RUFY1: variants seen among roughly 807,000 people sequenced by gnomAD.
The protein encoded by RUFY1 is RUN and FYVE domain containing 1.
Under a neutral mutation model 94.6 loss-of-function variants are expected in RUFY1, and 54 were observed. The ratio of observed to expected loss-of-function variants is 0.57; its 90% CI spans 0.46 to 0.72. The LOEUF is 0.72. Among genes scored for constraint, RUFY1 ranks in the 30% least tolerant of loss-of-function variants. The pLI, the probability that RUFY1 is intolerant of heterozygous loss-of-function variation, is 0.00. For missense variants in RUFY1, 883 were observed against 883.9 expected (o/e 1.00, Z 0.01); for synonymous variants, 396 against 347.3 (o/e 1.14, Z -1.56).
intron 14 of RUFY1, among the ~76,000 whole-genome samples, chr5:179,599,071 G>T (rs191513962): frequency 6.6e-6 from 1 of 152,238 alleles, no homozygotes; most frequent in African/African-American, 2.4e-5. Context: ...GTCCTCACCC[G>T]TGTGCAAGGG....
Position 179,585,776 on chromosome 5 carries a change from A to G in RUFY1, c.957-20A>G. On this transcript the variant is annotated intron_variant, in intron 7 of 17. Coordinates refer to ENST00000319449, the MANE Select transcript of RUFY1 (RefSeq NM_025158.5). ...AGCTTGTATAAGTTTATGTTTACTTAATATTCTTATTTTCTACAGCTGCAC... is the reference window on the plus strand; with the variant it reads ...AGCTTGTATAAGTTTATGTTTACTTGATATTCTTATTTTCTACAGCTGCAC... The G allele has an allele frequency of 6.4e-7, 1 of 1,568,920 alleles. No homozygotes were observed. Among genetic ancestry groups the G allele is most frequent in the Non-Finnish European group, 8.8e-7 (1 of 1,139,498 alleles).
At chr5:179,596,948 C>G (rs1281337555) in intron 13 of RUFY1, 1 of 413,606 alleles carries the variant, frequency 2.4e-6, no homozygotes, top group Non-Finnish European at 4.3e-6. Context: ...CTGTATCACC[C>G]TTAACCACCC....
chr5:179,562,426 G>A, intron 2 of RUFY1, 121 bp from the exon 3 acceptor site: 1 of 692,114 alleles, frequency 1.4e-6, no homozygotes, highest in East Asian at 2.5e-5. Flanking sequence ...TTTAAAAAAG[G>A]ATTAAGCAGT....
rs1253207895 is a variant in RUFY1 at position 179,601,893 on chromosome 5, A to G, written c.1763A>G (p.Glu588Gly). 3 of 1,595,066 alleles carry G rather than the reference A, an allele frequency of 1.9e-6. No homozygotes were observed. Among genetic ancestry groups the G allele is most frequent in the Non-Finnish European group, 2.6e-6 (3 of 1,168,502 alleles). Reference protein sequence around the residue: ...ELQQVEGLKKELRELQDEKAE... With the variant: ...ELQQVEGLKKGLRELQDEKAE... ...ATCTGGTTGGTTTGTTCATTTTAGG[A>G]GTTGCGGGAGCTTCAGGACGAGAAG... Residue 588 changes from glutamate (E) to glycine (G), a missense_variant and splice_region_variant, in exon 15 of 18, where the codon GAG becomes GGG. Transcript: ENST00000319449.
At chr5:179,556,255 A>C (rs1430644681) in intron 1 of RUFY1, among the ~76,000 whole-genome samples, 1 of 152,014 alleles carries the variant, frequency 6.6e-6, no homozygotes, top group Non-Finnish European at 1.5e-5. Flanking sequence ...TTTCCATTCC[A>C]CTTCTGCCAT....
At chr5:179,607,469 G>A (rs935282762) in intron 16 of RUFY1, 113 bp from the exon 17 acceptor site, 54 of 824,066 alleles carry the variant, frequency 6.6e-5, no homozygotes, top group Non-Finnish European at 1.0e-4. Flanking sequence ...GAGAAACAGT[G>A]CCTCACTAGG....
intron 14 of RUFY1, among the ~76,000 whole-genome samples, chr5:179,601,036 C>T (rs532176060): frequency 1.3e-5 from 2 of 152,170 alleles, no homozygotes; most frequent in South Asian, 4.1e-4. Flanking sequence ...ATGTAACTAT[C>T]CTGTCCCATG....
chr5:179,566,011 G>GT (rs1762805901), intron 3 of RUFY1, among the ~76,000 whole-genome samples: 1 of 151,864 alleles, frequency 6.6e-6, no homozygotes, highest in South Asian at 2.1e-4. Flanking sequence ...GTGGTAGCAC[G>GT]TGCCTGCTGT....
rs530441695 is a variant in RUFY1, at chr5:179,607,424, C to T, written c.1906-158C>T. ...GGCTGCGGCCAGACGGGGAAAGAGCCCCTTGATGACAGTCCTGTGAGGCCC... is the reference window on the plus strand; with the variant it reads ...GGCTGCGGCCAGACGGGGAAAGAGCTCCTTGATGACAGTCCTGTGAGGCCC... On this transcript the variant is annotated intron_variant, in intron 16 of 17. Transcript: ENST00000319449. The T allele has an allele frequency of 1.2e-4, 79 of 659,302 alleles. No homozygotes were observed. The East Asian group carries it at 2.0e-3, about 17-fold the overall frequency. The allele number at this position is 659,302 out of a possible 1,614,324, so 40.8% of individuals were successfully genotyped here.
chr5:179,551,805 G>A (rs948480227), intron 1 of RUFY1, among the ~76,000 whole-genome samples: 3 of 148,366 alleles, frequency 2.0e-5, no homozygotes, highest in African/African-American at 7.4e-5. Flanking sequence ...GAGCCACCGC[G>A]CCCGGCCGGA....
intron 7 of RUFY1, among the ~76,000 whole-genome samples, chr5:179,581,438 ATTTTTT>A (rs763576066): frequency 8.6e-6 from 1 of 116,932 alleles, no homozygotes. Context: ...CTTTATCTTG[ATTTTTT>A]TTTTTTTTTT....
intron 17 of RUFY1, chr5:179,608,694 G>C (rs1767368290): frequency 1.1e-6 from 1 of 914,342 alleles, no homozygotes; most frequent in South Asian, 5.1e-5. Flanking sequence ...TTGGGAGGCT[G>C]AGGTGGGTGG....
intron 5 of RUFY1, among the ~76,000 whole-genome samples, chr5:179,575,346 C>A (rs986794587): frequency 1.3e-5 from 2 of 151,744 alleles, no homozygotes; most frequent in East Asian, 3.9e-4. Context: ...GCTCTCTCCT[C>A]GTCTGTCTGC....
chr5:179,581,138 T>G, intron 7 of RUFY1, 126 bp downstream of exon 7: 1 of 626,916 alleles, frequency 1.6e-6, no homozygotes, highest in South Asian at 2.0e-5. Flanking sequence ...AGGGTCATCA[T>G]TCAGGCAACA....
At chr5:179,585,630 TGTTGC>T (rs1764546348) in intron 7 of RUFY1, among the ~76,000 whole-genome samples, 161 bp from the exon 8 acceptor site, 3 of 152,156 alleles carry the variant, frequency 2.0e-5, no homozygotes, top group Admixed American at 2.0e-4. Flanking sequence ...TTGAAAAGTA[TGTTGC>T]AAATGTATAT....
chr5:179,556,413 AATTATC>A (rs1457353769), intron 1 of RUFY1, among the ~76,000 whole-genome samples: 1 of 152,118 alleles, frequency 6.6e-6, no homozygotes, highest in Admixed American at 6.6e-5. Flanking sequence ...TTCTGGAGTG[AATTATC>A]ATTAAGTTTA....
intron 10 of RUFY1, among the ~76,000 whole-genome samples, chr5:179,592,072 G>A (rs1265359290): frequency 6.6e-6 from 1 of 151,738 alleles, no homozygotes; most frequent in African/African-American, 2.4e-5. Flanking sequence ...AGCCTCCCGA[G>A]TAGCTGGGAT....
chr5:179,607,450 C>T, intron 16 of RUFY1, 132 bp from the exon 17 acceptor site: 2 of 748,938 alleles, frequency 2.7e-6, no homozygotes, highest in Non-Finnish European at 2.4e-6. Context: ...TGTGAGGCCC[C>T]ATCTGATGGA....
rs1460965337 is a variant in RUFY1, at chr5:179,596,773, G to A, written c.1631+92G>A. The A allele has an allele frequency of 3.0e-6, 3 of 985,358 alleles. No individual in the cohort carries two copies. The African/African-American group carries it at 5.0e-5, about 16-fold the overall frequency. The allele number at this position is 985,358 out of a possible 1,614,324, so 61.0% of individuals were successfully genotyped here. On this transcript the variant is annotated intron_variant, in intron 13 of 17. Transcript: ENST00000319449. ...GGTGGTATCCTGCTTCAGCACGAAC[G>A]GGAGGAGGGGGGGCGGGGGGGCAGG...
Sources: gnomAD v4.1 joint callset for allele counts (sites outside exome capture counted in the v4.1 genomes callset) on GRCh38, gnomAD v4.1.1 for gene constraint, MANE v1.5 for transcripts, NCBI Gene and HGNC (gene_info 2026-07-23, HGNC 2026-07-21) for gene names.